ZNF845: variants seen among roughly 807,000 people sequenced by gnomAD.
ZNF845 encodes zinc finger protein 845.
In ZNF845, 59 loss-of-function variants were observed where a neutral mutation model predicts 76.1. The ratio of observed to expected loss-of-function variants is 0.78; its 90% CI spans 0.63 to 0.96. ZNF845 has a LOEUF of 0.96. Among genes scored for constraint, ZNF845 ranks in the 40% least tolerant of loss-of-function variants. The pLI, the probability that ZNF845 is intolerant of heterozygous loss-of-function variation, is 0.00. For synonymous variants in ZNF845, 361 were observed against 386.9 expected (o/e 0.93, Z 0.78); for missense variants, 1,045 against 1,172.8 (o/e 0.89, Z 1.59).
At chr19:53,345,479 T>C in intron 2 of ZNF845, 27 bp from the exon 3 acceptor site, 1 of 1,613,492 alleles carries the variant, frequency 6.2e-7, no homozygotes, top group Non-Finnish European at 8.5e-7. Context: ...CCCATAACCA[T>C]TTCCTTAAAA....
intron 1 of ZNF845, among the ~76,000 whole-genome samples, chr19:53,338,393 A>G (rs2085231024): frequency 1.3e-5 from 2 of 152,094 alleles, no homozygotes; most frequent in Admixed American, 6.6e-5. Flanking sequence ...ACCAGGACCC[A>G]GTTTGGCCAT....
Position 53,351,460 on chromosome 19 carries a change from G to T in ZNF845, c.785G>T (p.Arg262Leu), listed in dbSNP as rs182006841. The T allele has an allele frequency of 6.2e-7, 1 of 1,614,180 alleles. No individual in the cohort carries two copies. Among genetic ancestry groups the T allele is most frequent in the Non-Finnish European group, 8.5e-7 (1 of 1,180,026 alleles). The part of the protein sequence containing the change: ...FNQKRYLACH[R>L]RCHTGKKPYK... ...CAAAAGCGATATCTTGCATGTCATC[G>T]TAGATGTCACACTGGCAAGAAACCT... Residue 262 changes from arginine (R) to leucine (L), a missense_variant, in exon 4 of 4, where the codon CGT (arginine) becomes CTT (leucine). Arg to Leu is a moderately radical substitution (Grantham distance 102). Coordinates refer to ENST00000458035, the MANE Select transcript of ZNF845 (RefSeq NM_138374.3).
chr19:53,334,695 G>C (rs988882965), intron 1 of ZNF845, among the ~76,000 whole-genome samples: 19 of 149,348 alleles, frequency 1.3e-4, no homozygotes, highest in Non-Finnish European at 8.9e-5. Flanking sequence ...GAGTCCAGGA[G>C]TTCAAGACCG....
At chr19:53,348,975 G>A (rs2085315613) in intron 3 of ZNF845, among the ~76,000 whole-genome samples, 1 of 147,910 alleles carries the variant, frequency 6.8e-6, no homozygotes, top group Non-Finnish European at 1.5e-5. Context: ...TCCTGCCTCA[G>A]CCTCCCGAGT....
Position 53,353,216 on chromosome 19 carries a change from A to C in ZNF845, c.2541A>C (p.Glu847Asp), listed in dbSNP as rs2085357251. ...GKTFRHNSAL[E>D]IHKAIHTGEK... Reference sequence around the variant, plus strand: ...CCTTCCGTCACAATTCAGCCCTTGAAATTCATAAGGCAATTCATACTGGAG... The same window carrying C: ...CCTTCCGTCACAATTCAGCCCTTGACATTCATAAGGCAATTCATACTGGAG... Residue 847 changes from glutamate to aspartate, a missense_variant, in exon 4 of 4, where the codon GAA becomes GAC. Glu to Asp is a conservative substitution (Grantham distance 45, BLOSUM62 2). Coordinates refer to ENST00000458035, the MANE Select transcript of ZNF845 (RefSeq NM_138374.3). 2 of 1,613,894 alleles carry C rather than the reference A, an allele frequency of 1.2e-6. No homozygotes were observed. The highest frequency in any genetic ancestry group is 4.5e-5 in the East Asian group (2 of 44,890).
rs59952944 is a variant in ZNF845 at position 53,344,615 on chromosome 19, T to TTATGTTATGTTATGTTATG, written c.16-890_16-889insATGTTATGTTATGTTATGT. ...TTTTATTTTATTTTATTTATTTTAT[T>TTATGTTATGTTATGTTATG]TTATTTTATTTTATTTTATTTTATT... On this transcript the variant is annotated intron_variant, in intron 2 of 3. Coordinates refer to ENST00000458035, the MANE Select transcript of ZNF845 (RefSeq NM_138374.3). 2.0e-3 allele frequency among the ~76,000 whole-genome samples: 268 copies of TTATGTTATGTTATGTTATG among 132,368 alleles called. 7 individuals carry two copies. Among genetic ancestry groups the TTATGTTATGTTATGTTATG allele is most frequent in the Middle Eastern group, 0.012 (3 of 246 alleles). 86.8% of individuals were successfully genotyped at this position (132,368 alleles called of 152,430 possible).
rs1446061489 is a variant in ZNF845 at position 53,356,250 on chromosome 19, C to G, written c.*2662C>G. The G allele has an allele frequency of 6.6e-6, 1 of 152,140 alleles. No individual in the cohort carries two copies. Among genetic ancestry groups the G allele is most frequent in the Admixed American group, 6.5e-5 (1 of 15,268 alleles). 9.4% of individuals were successfully genotyped at this position (152,140 alleles called of 1,614,324 possible). A position where few individuals can be genotyped will look rare whatever the true frequency, so the allele number is the denominator to read the frequency against. On this transcript the variant is annotated 3_prime_UTR_variant, in exon 4 of 4. Transcript: ENST00000458035. ...AAAACAAGAAGAAACATCAAATTTA[C>G]GATGAGACCAGACGCAGTGGCTCAG...
rs1442133267 is a variant in ZNF845, at chr19:53,354,256, A to T, written c.*668A>T. 12 of 482,056 alleles carry T rather than the reference A, an allele frequency of 2.5e-5. No individual in the cohort carries two copies. The highest frequency in any genetic ancestry group is 3.8e-5 in the Non-Finnish European group (9 of 236,032). 29.9% of individuals were successfully genotyped at this position (482,056 alleles called of 1,614,324 possible). On this transcript the variant is annotated 3_prime_UTR_variant, in exon 4 of 4. Coordinates refer to ENST00000458035, the MANE Select transcript of ZNF845 (RefSeq NM_138374.3). ...ATTCATTTTTGAGATGATTGTTCCA[A>T]ATGCAATGAGTATAGCAAACCATCA...
chr19:53,354,539 T>TA lies in ZNF845; in HGVS notation c.*952dup, dbSNP rs1216279863. The stretch of plus-strand genomic sequence containing the variant: ...ATTTTGTTTCTTTAATAAAAACTGT[T>TA]ACGGGTTTTTATGGGTATCTGTTGA... On this transcript the variant is annotated 3_prime_UTR_variant, in exon 4 of 4. Coordinates refer to ENST00000458035, the MANE Select transcript of ZNF845 (RefSeq NM_138374.3). 2 of 160,466 alleles carry TA rather than the reference T, an allele frequency of 1.2e-5. No homozygotes were observed. The highest frequency in any genetic ancestry group is 2.4e-5 in the African/African-American group (1 of 41,514). The allele number at this position is 160,466 out of a possible 1,614,324, so 9.9% of individuals were successfully genotyped here.
chr19:53,348,872 T>TG (rs2085314563), intron 3 of ZNF845, among the ~76,000 whole-genome samples: 1 of 106,170 alleles, frequency 9.4e-6, no homozygotes, highest in Non-Finnish European at 1.9e-5. Context: ...TTTTTTTTTT[T>TG]GTGAGACAGA....
intron 1 of ZNF845, among the ~76,000 whole-genome samples, chr19:53,337,661 C>T (rs760588358): frequency 7.2e-5 from 11 of 152,026 alleles, no homozygotes; most frequent in Non-Finnish European, 1.5e-4. Flanking sequence ...CTCCTCCTCC[C>T]GGGTTAAAGT....
chr19:53,335,998 G>A (rs1907240607), intron 1 of ZNF845, among the ~76,000 whole-genome samples: 1 of 150,262 alleles, frequency 6.7e-6, no homozygotes, highest in African/African-American at 2.5e-5. Context: ...AGGATCACAA[G>A]GTCAGGAATT....
Position 53,345,524 on chromosome 19 carries a change from G to GATGT in ZNF845, c.35_38dup (p.Ala14CysfsTer30), listed in dbSNP as rs1483814405. 1.2e-6 allele frequency: 2 copies of GATGT among 1,613,486 alleles called. No homozygotes were observed. Among genetic ancestry groups the GATGT allele is most frequent in the Admixed American group, 3.3e-5 (2 of 59,986 alleles). On this transcript the variant is annotated frameshift_variant, in exon 3 of 4. Coordinates refer to ENST00000458035, the MANE Select transcript of ZNF845 (RefSeq NM_138374.3). LOFTEE classifies it high-confidence loss of function. ...ATTTCAGGGTCTATTGACATTCAGG[G>GATGT]ATGTGGCCATAGAATTCTCTCAGGA...
intron 2 of ZNF845, 68 bp downstream of exon 2, chr19:53,341,390 G>A: frequency 6.2e-7 from 1 of 1,605,676 alleles, no homozygotes; most frequent in Non-Finnish European, 8.5e-7. Flanking sequence ...TTGGAGTTGG[G>A]AATCTTCTCT....
At chr19:53,335,760 A>G (rs2085209061) in intron 1 of ZNF845, among the ~76,000 whole-genome samples, 1 of 151,972 alleles carries the variant, frequency 6.6e-6, no homozygotes, top group Non-Finnish European at 1.5e-5. Flanking sequence ...GAGCCACTGC[A>G]TCCAGCTAAT....
At chr19:53,337,944 G>A (rs894951088) in intron 1 of ZNF845, among the ~76,000 whole-genome samples, 2 of 152,038 alleles carry the variant, frequency 1.3e-5, no homozygotes, top group Non-Finnish European at 2.9e-5. Context: ...CAGGTGATCC[G>A]TCTGCCTAGG....
chr19:53,337,682 C>T (rs1254895135), intron 1 of ZNF845, among the ~76,000 whole-genome samples: 1 of 152,124 alleles, frequency 6.6e-6, no homozygotes, highest in African/African-American at 2.4e-5. Flanking sequence ...GATTCTCCTG[C>T]CTCAGCCTCC....
rs2085254225 is a variant in ZNF845, at chr19:53,341,216, A to G, written c.-73-19A>G. The G allele has an allele frequency of 8.4e-6, 13 of 1,554,578 alleles. No homozygotes were observed. The Admixed American group carries it at 2.0e-4, about 24-fold the overall frequency. On this transcript the variant is annotated intron_variant, in intron 1 of 3. Transcript: ENST00000458035. ...GTGTGTTGATTCTGAGCAATAAACA[A>G]CATATTTTTAACATTCAGGATTGAC...
intron 2 of ZNF845, among the ~76,000 whole-genome samples, chr19:53,343,564 C>T (rs2085272479): frequency 6.6e-6 from 1 of 152,200 alleles, no homozygotes; most frequent in African/African-American, 2.4e-5. Flanking sequence ...TTAAACAAAA[C>T]TTGCCACTTT....
Sources: allele counts gnomAD v4.1 joint callset (sites outside exome capture counted in the v4.1 genomes callset), GRCh38; gene constraint gnomAD v4.1.1; transcripts MANE v1.5; gene names NCBI Gene and HGNC (gene_info 2026-07-23, HGNC 2026-07-21).